Variants in ASTN2 observed in about 807,000 individuals in gnomAD.
The protein encoded by ASTN2 is astrotactin-2.
Under a neutral mutation model 139.8 loss-of-function variants are expected in ASTN2, and 54 were observed. The ratio of observed to expected loss-of-function variants is 0.39; its 90% CI spans 0.31 to 0.48. The LOEUF (loss-of-function observed/expected upper bound fraction) is 0.48. Ranked by LOEUF, ASTN2 falls within the 20% of genes least tolerant of loss-of-function variation. The probability of loss-of-function intolerance (pLI) is 0.95; values close to 1 mark genes in which losing one functional copy is unlikely to be tolerated. For synonymous variants in ASTN2, 756 were observed against 719.5 expected (o/e 1.05, Z -0.81); for missense variants, 1,565 against 1,725.1 (o/e 0.91, Z 1.64).
rs74868032 is a variant in ASTN2, at chr9:117,144,335, C to A, written c.1016-2857G>T. Among the ~76,000 whole-genome samples the A allele has an allele frequency of 3.6e-3, 552 of 152,204 alleles. 14 individuals carry two copies. The East Asian group carries it at 0.063, about 17-fold the overall frequency. ...TTCCCTAATCCGAAAATCTGAAATCCGAAATGTTCCAAAATCTGAAACATT... is the reference window on the plus strand; with the variant it reads ...TTCCCTAATCCGAAAATCTGAAATCAGAAATGTTCCAAAATCTGAAACATT... On this transcript the variant is annotated intron_variant, in intron 3 of 22. Coordinates refer to ENST00000313400, the MANE Select transcript of ASTN2 (RefSeq NM_001365068.1).
intron 1 of ASTN2, among the ~76,000 whole-genome samples, chr9:117,297,147 C>T (rs570663367): frequency 5.9e-5 from 9 of 152,324 alleles, no homozygotes; most frequent in Admixed American, 5.2e-4. Flanking sequence ...GGCTAACTAA[C>T]CGGCCTTCTG....
At chr9:117,213,047 A>G (rs1832191733) in intron 3 of ASTN2, among the ~76,000 whole-genome samples, 1 of 152,222 alleles carries the variant, frequency 6.6e-6, no homozygotes. Flanking sequence ...GTCCAACAAC[A>G]GATGACTAGA....
At chr9:117,181,571 C>T (rs1831068028) in intron 3 of ASTN2, among the ~76,000 whole-genome samples, 1 of 152,074 alleles carries the variant, frequency 6.6e-6, no homozygotes, top group African/African-American at 2.4e-5. Context: ...TGCTAGACAA[C>T]AGGATAGCAC....
chr9:117,335,351 C>T (rs1564152340), intron 1 of ASTN2, among the ~76,000 whole-genome samples: 1 of 152,182 alleles, frequency 6.6e-6, no homozygotes, highest in Non-Finnish European at 1.5e-5. Flanking sequence ...ATTATTTTCT[C>T]CACCATAAGC....
intron 1 of ASTN2, among the ~76,000 whole-genome samples, chr9:117,331,019 A>C (rs1297254131): frequency 5.3e-5 from 8 of 152,218 alleles, no homozygotes; most frequent in African/African-American, 1.9e-4. Context: ...GTCCTGCAGC[A>C]TGCAACACCT....
intron 2 of ASTN2, among the ~76,000 whole-genome samples, chr9:117,222,884 A>T (rs1396997367): frequency 6.6e-6 from 1 of 152,096 alleles, no homozygotes; most frequent in African/African-American, 2.4e-5. Flanking sequence ...TACAGATGAA[A>T]AAAAAAAGGA....
chr9:116,889,720 T>TACACACACACACACAC (rs9299242), intron 10 of ASTN2, among the ~76,000 whole-genome samples: 11 of 136,678 alleles, frequency 8.0e-5, no homozygotes, highest in African/African-American at 3.0e-4. Context: ...ACCTTGTCTC[T>TACACACACACACACAC]ACACACACAC....
intron 19 of ASTN2, chr9:116,562,247 T>C (rs1473020695): frequency 2.0e-5 from 3 of 152,224 alleles, no homozygotes; most frequent in Non-Finnish European, 4.4e-5. Flanking sequence ...CTTTGACATA[T>C]TAAAGTTTCT....
chr9:116,523,025 C>T (rs1850943307), intron 19 of ASTN2, among the ~76,000 whole-genome samples: 1 of 152,114 alleles, frequency 6.6e-6, no homozygotes, highest in Non-Finnish European at 1.5e-5. Context: ...AGCATCTTCC[C>T]CCAACCAGGA....
chr9:117,336,029 A>G (rs2130857053), intron 1 of ASTN2, among the ~76,000 whole-genome samples: 1 of 150,036 alleles, frequency 6.7e-6, no homozygotes, highest in African/African-American at 2.4e-5. Context: ...GAGTGTAGGC[A>G]GCTTAAGGAG....
At chr9:116,998,116 T>G (rs771017900) in intron 7 of ASTN2, among the ~76,000 whole-genome samples, 1 of 152,332 alleles carries the variant, frequency 6.6e-6, no homozygotes, top group Non-Finnish European at 1.5e-5. Context: ...CATGCCTGAA[T>G]AACAAAGTAT....
chr9:116,523,943 G>A (rs896896647), intron 19 of ASTN2, among the ~76,000 whole-genome samples: 20 of 152,218 alleles, frequency 1.3e-4, no homozygotes, highest in African/African-American at 4.1e-4. Flanking sequence ...GGTTACAGAT[G>A]CATGGACTAT....
At chr9:116,843,622 G>A (rs1832338250) in intron 11 of ASTN2, among the ~76,000 whole-genome samples, 1 of 148,360 alleles carries the variant, frequency 6.7e-6, no homozygotes, top group Non-Finnish European at 1.5e-5. Context: ...TCGTACCATT[G>A]CATTCCAGCC....
chr9:116,989,801 C>G (rs1461051030), intron 7 of ASTN2, among the ~76,000 whole-genome samples: 1 of 152,098 alleles, frequency 6.6e-6, no homozygotes, highest in Non-Finnish European at 1.5e-5. Context: ...CCAGGTTAGT[C>G]TCAAACACCT....
chr9:116,693,075 CA>C (rs1382738534), intron 16 of ASTN2, among the ~76,000 whole-genome samples: 1 of 152,110 alleles, frequency 6.6e-6, no homozygotes, highest in Non-Finnish European at 1.5e-5. Flanking sequence ...TTCATGCTTT[CA>C]AAATGTAGTT....
chr9:117,154,501 A>G (rs1482457948), intron 3 of ASTN2, among the ~76,000 whole-genome samples: 1 of 152,032 alleles, frequency 6.6e-6, no homozygotes, highest in Non-Finnish European at 1.5e-5. Context: ...ACACTTCACC[A>G]AGCCTCTCTC....
chr9:117,021,061 C>A (rs1837864583), intron 6 of ASTN2, among the ~76,000 whole-genome samples: 1 of 152,096 alleles, frequency 6.6e-6, no homozygotes, highest in African/African-American at 2.4e-5. Context: ...GTACATGCAA[C>A]AATGCCTGGC....
chr9:117,092,357 C>G (rs1828727126), intron 5 of ASTN2, among the ~76,000 whole-genome samples: 1 of 152,116 alleles, frequency 6.6e-6, no homozygotes, highest in South Asian at 2.1e-4. Flanking sequence ...GAGCACTCCT[C>G]TTAAATCTCT....
chr9:117,102,462 T>A (rs1003444745), intron 4 of ASTN2, among the ~76,000 whole-genome samples: 1 of 152,060 alleles, frequency 6.6e-6, no homozygotes, highest in South Asian at 2.1e-4. Context: ...TGGACAGAGG[T>A]GATGGCTGTA....
Sources: allele counts gnomAD v4.1 joint callset (sites outside exome capture counted in the v4.1 genomes callset), GRCh38; gene constraint gnomAD v4.1.1; transcripts MANE v1.5; gene names NCBI Gene and HGNC (gene_info 2026-07-23, HGNC 2026-07-21).